The following SLC2A3 variants were observed in gnomAD, a reference collection of about 807,000 sequenced individuals.
SLC2A3 encodes the protein solute carrier family 2 member 3.
SLC2A3 carries 21 observed loss-of-function variants against 46.4 expected under a neutral mutation model. That is an observed-to-expected ratio of 0.45 (90% CI 0.32 to 0.65). The LOEUF is 0.65. SLC2A3 is among the 30% of genes least tolerant of loss of function. SLC2A3 has a pLI of 0.04. For synonymous variants in SLC2A3, 213 were observed against 239.4 expected, an observed-to-expected ratio of 0.89 and a Z score of 1.02; for missense variants, 499 against 623.3, an observed-to-expected ratio of 0.80 and a Z score of 2.12.
chr12:7,922,866 G>A lies in SLC2A3; in HGVS notation c.1227C>T (p.Asn409=). The change falls in exon 9 of 10, where the codon AAC becomes AAT. Residue 409 remains asparagine (N), a synonymous_variant. Coordinates refer to ENST00000075120, the MANE Select transcript of SLC2A3 (RefSeq NM_006931.3). The part of the protein sequence containing the change: ...PAAMAVAGCS[N]WTSNFLVGLL... ...ATCCGACTAGGAAGTTGGAGGTCCAGTTGGAGCAGCCGGCCACTGCCATCG... is the reference window on the plus strand; with the variant it reads ...ATCCGACTAGGAAGTTGGAGGTCCAATTGGAGCAGCCGGCCACTGCCATCG... The A allele has an allele frequency of 6.2e-7, 1 of 1,614,106 alleles. No individual in the cohort carries two copies. Among genetic ancestry groups the A allele is most frequent in the Non-Finnish European group, 8.5e-7 (1 of 1,179,958 alleles).
In SLC2A3 at chr12:7,921,394, A is replaced by T. The variant is rs749632493; in HGVS notation, c.*19T>A. ...AGGTGGCTTTCCCATGCCGGGAGGG[A>T]GGTGGAAGGAGGCACGACTTAGACA... On this transcript the variant is annotated 3_prime_UTR_variant, in exon 10 of 10. Coordinates refer to ENST00000075120, the MANE Select transcript of SLC2A3 (RefSeq NM_006931.3). The T allele has an allele frequency of 1.9e-5, 31 of 1,613,752 alleles. No homozygotes were observed. The East Asian group carries it at 3.8e-4, about 20-fold the overall frequency.
At chr12:7,927,620 A>AT (rs71769049) in intron 6 of SLC2A3, among the ~76,000 whole-genome samples, 2 of 152,054 alleles carry the variant, frequency 1.3e-5, no homozygotes, top group Non-Finnish European at 1.5e-5. Flanking sequence ...CATCAGATTT[A>AT]TTTTTTTACA....
At chr12:7,929,377 C>G (rs1306504861) in intron 6 of SLC2A3, 2 of 334,678 alleles carry the variant, frequency 6.0e-6, no homozygotes, top group African/African-American at 4.1e-5. Flanking sequence ...TTTAAACTAC[C>G]ATGCTCGCTA....
At position 7,931,349 on chromosome 12, in the gene SLC2A3, C is replaced by A; in HGVS notation, c.406G>T (p.Gly136Cys). The change falls in exon 4 of 10, where the codon GGT (glycine) becomes TGT (cysteine). Residue 136 changes from glycine (G) to cysteine (C), a missense_variant. By Grantham distance (159) the Gly-to-Cys change is radical (BLOSUM62 -3). Around this residue, in one of 5 missense-constraint regions of SLC2A3, gnomAD observed 248 missense variants for 284.0 expected, o/e 0.87. Transcript: ENST00000075120. ...TCTCCAATGTACATGGGCACAAAAC[C>A]TGTGCAGAGTCCGCAGAAGAGGCCA... ...VIGLFCGLCTGFVPMYIGEIS... is the reference protein window; with the variant it reads ...VIGLFCGLCTCFVPMYIGEIS... 1 of 1,614,158 alleles carries A rather than the reference C, an allele frequency of 6.2e-7. No individual in the cohort carries two copies. Among genetic ancestry groups the A allele is most frequent in the Non-Finnish European group, 8.5e-7 (1 of 1,180,010 alleles).
intron 6 of SLC2A3, chr12:7,929,481 C>A: frequency 4.5e-4 from 260 of 579,036 alleles, no homozygotes; most frequent in Middle Eastern, 1.1e-3. Flanking sequence ...TTTTAAATTT[C>A]AGAGACACAG....
chr12:7,931,658 G>C (rs979613519), intron 3 of SLC2A3, among the ~76,000 whole-genome samples, 173 bp from the exon 4 acceptor site: 1 of 151,656 alleles, frequency 6.6e-6, no homozygotes, highest in South Asian at 2.1e-4. Context: ...AACCAGGTGT[G>C]ATGGTGCCCG....
At position 7,933,996 on chromosome 12, in the gene SLC2A3, G is replaced by C. The variant is rs181408100; in HGVS notation, c.16-94C>G. ...TTATGGAGCTGTATTAGGAGAATTT[G>C]AGTTATGAGTGGTATGAAAAGAACA... On this transcript the variant is annotated intron_variant, in intron 1 of 9. Coordinates refer to ENST00000075120, the MANE Select transcript of SLC2A3 (RefSeq NM_006931.3). 10 of 1,196,608 alleles carry C rather than the reference G, an allele frequency of 8.4e-6. No homozygotes were observed. In the Admixed American group the frequency reaches 1.9e-4, roughly 23 times the overall value. The allele number at this position is 1,196,608 out of a possible 1,614,324, so 74.1% of individuals were successfully genotyped here. A position where few individuals can be genotyped will look rare whatever the true frequency, so the allele number is the denominator to read the frequency against.
chr12:7,922,946 G>A lies in SLC2A3; in HGVS notation c.1147C>T (p.Pro383Ser), dbSNP rs779270013. Residue 383 changes from proline (P) to serine (S), a missense_variant, in exon 9 of 10, where the codon CCC (proline) becomes TCC (serine). By Grantham distance (74) the Pro-to-Ser change is moderately conservative. Coordinates refer to ENST00000075120, the MANE Select transcript of SLC2A3 (RefSeq NM_006931.3). ...TCGGCCACAATAAACCAGGGAATGG[G>A]GCCTGGTCCAATTTCAAAGAAGGCT... ...FVAFFEIGPGPIPWFIVAELF... is the reference protein window; with the variant it reads ...FVAFFEIGPGSIPWFIVAELF... The A allele has an allele frequency of 6.2e-7, 1 of 1,614,060 alleles. No individual in the cohort carries two copies. The highest frequency in any genetic ancestry group is 2.2e-5 in the East Asian group (1 of 44,880).
intron 9 of SLC2A3, among the ~76,000 whole-genome samples, chr12:7,922,319 C>T (rs1949011352): frequency 6.6e-6 from 1 of 152,126 alleles, no homozygotes; most frequent in South Asian, 2.1e-4. Flanking sequence ...CCCGCCTAGG[C>T]CTCTCAAAGT....
rs199845636 is a variant in SLC2A3, at chr12:7,933,116, G to C, written c.140C>G (p.Thr47Arg). ...IIKEFINKTLTDKGNAPPSEV... is the reference protein window; with the variant it reads ...IIKEFINKTLRDKGNAPPSEV... ...AGAGGGTGGGGCATTTCCCTTGTCC[G>C]TCAAAGTTTTATTGATAAATTCCTT... is the stretch of plus-strand genomic sequence containing the variant. The change falls in exon 3 of 10, where the codon ACG becomes AGG. Residue 47 changes from threonine (T) to arginine (R), a missense_variant. Around this residue, in one of 5 missense-constraint regions of SLC2A3, gnomAD observed 248 missense variants for 284.0 expected, o/e 0.87. Coordinates refer to ENST00000075120, the MANE Select transcript of SLC2A3 (RefSeq NM_006931.3). 2.5e-6 allele frequency: 4 copies of C among 1,613,922 alleles called. No individual in the cohort carries two copies. In the African/African-American group the frequency reaches 5.3e-5, roughly 22 times the overall value.
At chr12:7,935,175 T>C (rs1946199291) in intron 1 of SLC2A3, among the ~76,000 whole-genome samples, 1 of 152,128 alleles carries the variant, frequency 6.6e-6, no homozygotes, top group African/African-American at 2.4e-5. Flanking sequence ...CCTTTCTTGC[T>C]GCGCGCAGTG....
At chr12:7,931,564 T>G in intron 3 of SLC2A3, 79 bp from the exon 4 acceptor site, 1 of 1,574,124 alleles carries the variant, frequency 6.4e-7, no homozygotes, top group Non-Finnish European at 8.6e-7. Flanking sequence ...ATTATTCTGT[T>G]CTTCTCCAGG....
rs185154018 is a variant in SLC2A3, at chr12:7,923,102, G to A, written c.1069-78C>T. 3.5e-3 allele frequency: 4,665 copies of A among 1,337,644 alleles called. 19 individuals carry two copies. Among genetic ancestry groups the A allele is most frequent in the East Asian group, 6.4e-3 (258 of 40,300 alleles). The allele number at this position is 1,337,644 out of a possible 1,614,324, so 82.9% of individuals were successfully genotyped here. A position where few individuals can be genotyped will look rare whatever the true frequency, so the allele number is the denominator to read the frequency against. ...ATCTAGGTTCCCAGAAGCAATTAAC[G>A]GCAAGCTCCTCCTGTCCCTGACGTA... On this transcript the variant is annotated intron_variant, in intron 8 of 9. Coordinates refer to ENST00000075120, the MANE Select transcript of SLC2A3 (RefSeq NM_006931.3).
chr12:7,935,978 T>C, intron 1 of SLC2A3, 42 bp downstream of exon 1: 2 of 1,528,514 alleles, frequency 1.3e-6, no homozygotes, highest in South Asian at 1.1e-5. Context: ...TCTGAGTGTA[T>C]CCCAAACAAG....
intron 6 of SLC2A3, among the ~76,000 whole-genome samples, chr12:7,928,883 G>A (rs1351863397): frequency 1.3e-5 from 2 of 151,510 alleles, no homozygotes; most frequent in Admixed American, 6.6e-5. Context: ...TGACTCCTGG[G>A]CCTAAGTGAT....
At chr12:7,931,764 A>T (rs979562942) in intron 3 of SLC2A3, among the ~76,000 whole-genome samples, 1 of 152,062 alleles carries the variant, frequency 6.6e-6, no homozygotes, top group Non-Finnish European at 1.5e-5. Flanking sequence ...TGACAGAGCA[A>T]GACCCTCTTT....
Position 7,929,714 on chromosome 12 carries a change from C to A in SLC2A3, c.831G>T (p.Gln277His), listed in dbSNP as rs1352032269. ...TGATCCCAGAGAGCTGCTGAGAGAG[C>A]TGGAGCACAATGGAAATGATGATGG... ...RQPIIISIVL[Q>H]LSQQLSGINA... The change falls in exon 6 of 10, where the codon CAG becomes CAT. Residue 277 changes from glutamine to histidine, a missense_variant. Around this residue, in one of 5 missense-constraint regions of SLC2A3, gnomAD observed 65 missense variants for 88.4 expected, o/e 0.74. Coordinates refer to ENST00000075120, the MANE Select transcript of SLC2A3 (RefSeq NM_006931.3). 63 of 1,613,220 alleles carry A rather than the reference C, an allele frequency of 3.9e-5. No homozygotes were observed. The highest frequency in any genetic ancestry group is 4.9e-5 in the Non-Finnish European group (58 of 1,179,586).
In SLC2A3 at chr12:7,936,000, A is replaced by G; in HGVS notation, c.15+20T>C. The G allele has an allele frequency of 6.9e-6, 11 of 1,585,802 alleles. No individual in the cohort carries two copies. Among genetic ancestry groups the G allele is most frequent in the Non-Finnish European group, 9.5e-6 (11 of 1,154,204 alleles). On this transcript the variant is annotated intron_variant, in intron 1 of 9. Transcript: ENST00000075120. ...GTATCCCAAACAAGCAAAAATAACC[A>G]GTAATTATATCATTCTTACCTTCTG...
chr12:7,932,159 C>T (rs550300912), intron 3 of SLC2A3, among the ~76,000 whole-genome samples: 25 of 150,792 alleles, frequency 1.7e-4, no homozygotes, highest in Non-Finnish European at 2.9e-4. Context: ...GGATTACAGG[C>T]GTGAGCCACG....
Sources: gnomAD v4.1 joint callset for allele counts (sites outside exome capture counted in the v4.1 genomes callset) on GRCh38, gnomAD v4.1.1 for gene constraint, gnomAD v4.1.1 regional missense constraint, MANE v1.5 for transcripts, NCBI Gene and HGNC (gene_info 2026-07-23, HGNC 2026-07-21) for gene names.